Variants in CDH12 observed in about 807,000 individuals in gnomAD.
The protein encoded by CDH12 is cadherin-12.
In CDH12, 41 loss-of-function variants were observed where a neutral mutation model predicts 74.1. That is an observed-to-expected ratio of 0.55 (90% confidence interval 0.43 to 0.72). The LOEUF (loss-of-function observed/expected upper bound fraction) is 0.72, where lower values mean the gene tolerates loss of function less well. CDH12 is among the 30% of genes least tolerant of loss of function. CDH12 has a pLI of 0.00. For missense variants in CDH12, 945 were observed against 977.2 expected (o/e 0.97, Z 0.44); for synonymous variants, 399 against 355.0 (o/e 1.12, Z -1.39).
At chr5:22,657,275 G>A (rs895415651) in intron 1 of CDH12, among the ~76,000 whole-genome samples, 3 of 152,126 alleles carry the variant, frequency 2.0e-5, no homozygotes, top group African/African-American at 7.2e-5. Flanking sequence ...ATGGGTACGA[G>A]GATGCTTCGC....
intron 3 of CDH12, among the ~76,000 whole-genome samples, chr5:22,226,982 T>G (rs116665844): frequency 0.014 from 2,086 of 152,100 alleles, 20 homozygotes; most frequent in Middle Eastern, 0.02. Flanking sequence ...GAACAAAGAG[T>G]AAGATAGAGT....
intron 3 of CDH12, among the ~76,000 whole-genome samples, chr5:22,250,220 AAGG>A (rs961621967): frequency 6.6e-6 from 1 of 152,094 alleles, no homozygotes; most frequent in Non-Finnish European, 1.5e-5. Context: ...ACTGCTGTGC[AAGG>A]AAAAAAACCC....
At chr5:21,812,569 A>G (rs1414890849) in intron 9 of CDH12, among the ~76,000 whole-genome samples, 1 of 152,108 alleles carries the variant, frequency 6.6e-6, no homozygotes, top group Non-Finnish European at 1.5e-5. Context: ...AGCATTCTGT[A>G]CTTAAAAAAT....
intron 5 of CDH12, among the ~76,000 whole-genome samples, chr5:22,028,171 A>C (rs568231315): frequency 2.6e-5 from 4 of 152,130 alleles, no homozygotes; most frequent in African/African-American, 9.6e-5. Flanking sequence ...TGCAGCAAAA[A>C]CTGGAAGCAT....
chr5:22,799,451 A>G (rs1399220822), intron 1 of CDH12, among the ~76,000 whole-genome samples: 1 of 152,176 alleles, frequency 6.6e-6, no homozygotes, highest in Non-Finnish European at 1.5e-5. Flanking sequence ...CCTTTTCAGT[A>G]TTTTATTAAA....
At chr5:22,125,910 T>G (rs191908052) in intron 4 of CDH12, among the ~76,000 whole-genome samples, 79 of 152,122 alleles carry the variant, frequency 5.2e-4, no homozygotes, top group African/African-American at 1.9e-3. Flanking sequence ...GGCTGACACA[T>G]TGTGAAATTT....
chr5:22,386,852 A>T (rs1430576080), intron 3 of CDH12, among the ~76,000 whole-genome samples: 1 of 151,968 alleles, frequency 6.6e-6, no homozygotes, highest in Admixed American at 6.6e-5. Flanking sequence ...TTAAAAGTTT[A>T]ATAAATAAAA....
chr5:22,144,456 C>T (rs1580317834), intron 4 of CDH12, among the ~76,000 whole-genome samples: 1 of 152,074 alleles, frequency 6.6e-6, no homozygotes, highest in Non-Finnish European at 1.5e-5. Context: ...TCTTCAAGTG[C>T]AATAAAGACA....
chr5:21,977,396 G>A (rs988415047), intron 5 of CDH12, among the ~76,000 whole-genome samples: 5 of 151,894 alleles, frequency 3.3e-5, no homozygotes, highest in African/African-American at 1.2e-4. Flanking sequence ...CAACACAGTG[G>A]GTATTCCTTT....
intron 3 of CDH12, among the ~76,000 whole-genome samples, chr5:22,261,129 T>C (rs1161857428): frequency 6.6e-6 from 1 of 151,814 alleles, no homozygotes; most frequent in East Asian, 1.9e-4. Context: ...CTAAAAGCTA[T>C]GGGACTTCAA....
At chr5:22,443,059 T>G (rs1561407882) in intron 2 of CDH12, among the ~76,000 whole-genome samples, 1 of 152,158 alleles carries the variant, frequency 6.6e-6, no homozygotes, top group African/African-American at 2.4e-5. Context: ...TCTGGATTCC[T>G]GCACTCTGTT....
At chr5:21,945,908 G>A (rs1356445994) in intron 6 of CDH12, among the ~76,000 whole-genome samples, 1 of 151,342 alleles carries the variant, frequency 6.6e-6, no homozygotes, top group Non-Finnish European at 1.5e-5. Flanking sequence ...TTGGATGGAA[G>A]ACATAAACCT....
At chr5:22,012,143 T>A (rs932415931) in intron 5 of CDH12, among the ~76,000 whole-genome samples, 1 of 151,638 alleles carries the variant, frequency 6.6e-6, no homozygotes, top group African/African-American at 2.4e-5. Flanking sequence ...ACTAGAGATA[T>A]AGAATATATA....
chr5:22,030,489 A>T (rs923851113), intron 5 of CDH12, among the ~76,000 whole-genome samples: 5 of 152,192 alleles, frequency 3.3e-5, no homozygotes, highest in African/African-American at 1.2e-4. Context: ...GTAGCTCATA[A>T]CGGTGGGCTT....
intron 1 of CDH12, among the ~76,000 whole-genome samples, chr5:22,569,881 GTTGATA>G (rs1281580078): frequency 6.6e-6 from 1 of 151,990 alleles, no homozygotes; most frequent in African/African-American, 2.4e-5. Flanking sequence ...TTGTGTTAAG[GTTGATA>G]TTTTGACCTC....
chr5:21,802,584 T>A (rs1474035645), intron 9 of CDH12, among the ~76,000 whole-genome samples, 164 bp from the exon 10 acceptor site: 2 of 91,136 alleles, frequency 2.2e-5, no homozygotes, highest in African/African-American at 3.4e-5. Flanking sequence ...AGGCAAACCA[T>A]TTTTTTTTCT....
intron 5 of CDH12, among the ~76,000 whole-genome samples, chr5:21,992,441 G>A (rs1231056761): frequency 6.6e-6 from 1 of 152,014 alleles, no homozygotes; most frequent in Non-Finnish European, 1.5e-5. Context: ...GATTGATTGA[G>A]GCCTTAAATG....
chr5:22,500,920 A>T (rs1282201747), intron 2 of CDH12, among the ~76,000 whole-genome samples: 2 of 150,026 alleles, frequency 1.3e-5, no homozygotes, highest in Admixed American at 6.7e-5. Flanking sequence ...CTGCAGTATA[A>T]TTTTTTTTTT....
chr5:22,346,736 G>T (rs1003488668), intron 3 of CDH12, among the ~76,000 whole-genome samples: 2 of 152,112 alleles, frequency 1.3e-5, no homozygotes, highest in Non-Finnish European at 1.5e-5. Flanking sequence ...TGCCCACTAC[G>T]AGCTCTTGCT....
Sources: gnomAD v4.1 joint callset for allele counts (sites outside exome capture counted in the v4.1 genomes callset) on GRCh38, gnomAD v4.1.1 for gene constraint, MANE v1.5 for transcripts, NCBI Gene and HGNC (gene_info 2026-07-23, HGNC 2026-07-21) for gene names.